Variants in KLHL20 observed in about 807,000 individuals in gnomAD.
The protein encoded by KLHL20 is kelch like family member 20.
Under a neutral mutation model 69.5 loss-of-function variants are expected in KLHL20, and 29 were observed. The ratio of observed to expected loss-of-function variants is 0.42; its 90% confidence interval spans 0.31 to 0.57. The LOEUF is 0.57. KLHL20 is among the 20% of genes least tolerant of loss of function. The pLI is 0.18. For synonymous variants in KLHL20, 253 were observed against 265.2 expected (o/e 0.95, Z 0.45); for missense variants, 419 against 776.0 (o/e 0.54, Z 5.47).
intron 8 of KLHL20, among the ~76,000 whole-genome samples, chr1:173,767,211 G>GA (rs1647790194): frequency 6.6e-6 from 1 of 152,034 alleles, no homozygotes; most frequent in African/African-American, 2.4e-5. Context: ...CCATGCCGTC[G>GA]AAAATGTCAG....
At chr1:173,722,038 G>C (rs557464000) in intron 2 of KLHL20, among the ~76,000 whole-genome samples, 2 of 152,264 alleles carry the variant, frequency 1.3e-5, no homozygotes, top group African/African-American at 2.4e-5. Context: ...AATTTATAAA[G>C]AAAAGAAGTT....
intron 3 of KLHL20, among the ~76,000 whole-genome samples, chr1:173,743,025 A>G (rs1178494461): frequency 6.6e-6 from 1 of 151,602 alleles, no homozygotes; most frequent in Admixed American, 6.6e-5. Flanking sequence ...TGACAGAAAA[A>G]TGGTAATTCC....
At chr1:173,718,627 C>T (rs1558176317) in intron 2 of KLHL20, among the ~76,000 whole-genome samples, 1 of 151,738 alleles carries the variant, frequency 6.6e-6, no homozygotes, top group Non-Finnish European at 1.5e-5. Context: ...ACTTAGGAGG[C>T]TGAAGCAGGA....
Position 173,774,322 on chromosome 1 carries a change from A to G in KLHL20, c.1313A>G (p.Asn438Ser). The change falls in exon 9 of 12, where the codon AAC (asparagine) becomes AGC (serine). Residue 438 changes from asparagine (N) to serine (S), a missense_variant. Physicochemically the swap from Asn to Ser is conservative, Grantham distance 46. Around this residue, in one of 6 missense-constraint regions of KLHL20, gnomAD observed 56 missense variants for 75.9 expected, o/e 0.74. Transcript: ENST00000209884. Reference sequence around the variant, plus strand: ...CACTGCAGGTATGATCCGAAGGAGAACAAGTGGACTCGGGTAGCTTCTATG... The same window carrying G: ...CACTGCAGGTATGATCCGAAGGAGAGCAAGTGGACTCGGGTAGCTTCTATG... Reference protein sequence around the residue: ...NIVERYDPKENKWTRVASMST... With the variant: ...NIVERYDPKESKWTRVASMST... 1.9e-6 allele frequency: 3 copies of G among 1,614,164 alleles called. No individual in the cohort carries two copies. The highest frequency in any genetic ancestry group is 2.5e-6 in the Non-Finnish European group (3 of 1,180,020).
At chr1:173,730,969 C>T (rs988446083) in intron 2 of KLHL20, among the ~76,000 whole-genome samples, 4 of 152,128 alleles carry the variant, frequency 2.6e-5, no homozygotes, top group African/African-American at 9.7e-5. Flanking sequence ...GCAATCTACT[C>T]ATCTGACAAA....
intron 3 of KLHL20, among the ~76,000 whole-genome samples, chr1:173,746,618 T>C (rs1046989481): frequency 1.3e-5 from 2 of 152,124 alleles, no homozygotes; most frequent in Admixed American, 1.3e-4. Flanking sequence ...TTTGATTTTG[T>C]ATGTGTGTTT....
At chr1:173,743,107 A>G (rs1036287528) in intron 3 of KLHL20, among the ~76,000 whole-genome samples, 1 of 115,518 alleles carries the variant, frequency 8.7e-6, no homozygotes, top group Admixed American at 8.2e-5. Context: ...ATAGGGTATA[A>G]TAAGGAATGT....
At chr1:173,778,937 T>C (rs1398721412) in intron 10 of KLHL20, among the ~76,000 whole-genome samples, 1 of 152,164 alleles carries the variant, frequency 6.6e-6, no homozygotes, top group Non-Finnish European at 1.5e-5. Flanking sequence ...TTGTGTTTTT[T>C]TCACTTAAAT....
chr1:173,740,946 A>G (rs560622687), intron 3 of KLHL20, among the ~76,000 whole-genome samples: 1 of 152,318 alleles, frequency 6.6e-6, no homozygotes, highest in Non-Finnish European at 1.5e-5. Flanking sequence ...CCCCTGTGAG[A>G]TAAAGTCAGA....
intron 2 of KLHL20, among the ~76,000 whole-genome samples, chr1:173,729,331 C>A (rs1672137427): frequency 6.6e-6 from 1 of 152,178 alleles, no homozygotes; most frequent in African/African-American, 2.4e-5. Context: ...TGAAACTATT[C>A]CAATCAATAG....
chr1:173,737,845 A>G (rs1222242308), intron 3 of KLHL20, among the ~76,000 whole-genome samples: 2 of 152,168 alleles, frequency 1.3e-5, no homozygotes, highest in Admixed American at 6.5e-5. Flanking sequence ...ATTCATGAGC[A>G]TGAGATGTGT....
At chr1:173,756,079 C>T (rs548237769) in intron 6 of KLHL20, 41 bp downstream of exon 6, 2 of 1,386,860 alleles carry the variant, frequency 1.4e-6, no homozygotes, top group Admixed American at 1.8e-5. Flanking sequence ...GAGTATTTTC[C>T]CAGGTGAGAA....
At chr1:173,779,350 C>CT (rs375083476) in intron 10 of KLHL20, among the ~76,000 whole-genome samples, 5,804 of 131,396 alleles carry the variant, frequency 0.044, 347 homozygotes, top group African/African-American at 0.13. Context: ...AGGATTTCTC[C>CT]TTTTTTTTTT....
At chr1:173,738,320 C>T (rs915063165) in intron 3 of KLHL20, among the ~76,000 whole-genome samples, 3 of 152,108 alleles carry the variant, frequency 2.0e-5, no homozygotes, top group Admixed American at 2.0e-4. Flanking sequence ...AGATGCGCAC[C>T]ATCATGCCCG....
intron 8 of KLHL20, among the ~76,000 whole-genome samples, chr1:173,768,309 A>G (rs1647859294): frequency 6.6e-6 from 1 of 152,162 alleles, no homozygotes; most frequent in African/African-American, 2.4e-5. Context: ...GCTTTTCGTC[A>G]TTAGATTTTA....
Position 173,738,160 on chromosome 1 carries a change from G to A in KLHL20, c.597+3874G>A, listed in dbSNP as rs116811382. 4.8e-3 allele frequency among the ~76,000 whole-genome samples: 730 copies of A among 152,116 alleles called. 5 individuals are homozygous for A. Among genetic ancestry groups the A allele is most frequent in the South Asian group, 0.015 (74 of 4,804 alleles). On this transcript the variant is annotated intron_variant, in intron 3 of 11. Transcript: ENST00000209884. ...TACAATCATATTGTCGGCAAACAGCGACAGTTTGACTTTCTCTTTAACAAT... is the reference window on the plus strand; with the variant it reads ...TACAATCATATTGTCGGCAAACAGCAACAGTTTGACTTTCTCTTTAACAAT...
At chr1:173,734,858 A>G (rs1672452226) in intron 3 of KLHL20, among the ~76,000 whole-genome samples, 1 of 152,240 alleles carries the variant, frequency 6.6e-6, no homozygotes, top group Non-Finnish European at 1.5e-5. Flanking sequence ...CATGGAGTTT[A>G]TAATCTAGCA....
At chr1:173,732,174 G>A (rs1039495095) in intron 2 of KLHL20, among the ~76,000 whole-genome samples, 4 of 151,468 alleles carry the variant, frequency 2.6e-5, no homozygotes, top group Non-Finnish European at 5.9e-5. Flanking sequence ...CCCAGCCTCC[G>A]TGACAGAGCC....
At chr1:173,755,833 T>G in intron 5 of KLHL20, 90 bp from the exon 6 acceptor site, 1 of 787,506 alleles carries the variant, frequency 1.3e-6, no homozygotes, top group Non-Finnish European at 2.1e-6. Flanking sequence ...CTTGCTTCCC[T>G]TTGCCAACCT....
Sources: allele counts gnomAD v4.1 joint callset (sites outside exome capture counted in the v4.1 genomes callset), GRCh38; gene constraint gnomAD v4.1.1; regional missense constraint gnomAD v4.1.1; transcripts MANE v1.5; gene names NCBI Gene and HGNC (gene_info 2026-07-23, HGNC 2026-07-21).